The following WBP4 variants were observed in gnomAD, a reference collection of about 807,000 sequenced individuals.
WBP4 encodes WW domain-binding protein 4.
WBP4 carries 37 observed loss-of-function variants against 55.4 expected under a neutral mutation model. That is an observed-to-expected ratio of 0.67 (90% CI 0.51 to 0.88). WBP4 has a LOEUF of 0.88. WBP4 is among the 40% of genes least tolerant of loss of function. The pLI is 0.00. For missense variants in WBP4, 398 were observed against 420.8 expected (o/e 0.95, Z 0.47); for synonymous variants, 142 against 140.2 (o/e 1.01, Z -0.09).
intron 8 of WBP4, among the ~76,000 whole-genome samples, chr13:41,076,859 G>A (rs971144071): frequency 6.6e-6 from 1 of 152,148 alleles, no homozygotes; most frequent in African/African-American, 2.4e-5. Context: ...CTTAGAGTAA[G>A]GGTTATGTGC....
chr13:41,071,086 CTT>C (rs2138470141), intron 5 of WBP4, among the ~76,000 whole-genome samples: 1 of 152,286 alleles, frequency 6.6e-6, no homozygotes. Context: ...GCTTGCCTCT[CTT>C]TTTCAGCATC....
chr13:41,062,289 G>A (rs895621214), intron 1 of WBP4: 1 of 984,814 alleles, frequency 1.0e-6, no homozygotes. Flanking sequence ...CAAACTTTAT[G>A]AGTTTCTTCA....
intron 5 of WBP4, among the ~76,000 whole-genome samples, chr13:41,069,181 C>G (rs1878119004): frequency 6.6e-6 from 1 of 152,170 alleles, no homozygotes; most frequent in South Asian, 2.1e-4. Context: ...GATATTGTTA[C>G]TGAAAAATGA....
At chr13:41,082,638 C>CA in intron 9 of WBP4, 66 bp from the exon 10 acceptor site, 25 of 1,440,308 alleles carry the variant, frequency 1.7e-5, no homozygotes, top group Non-Finnish European at 2.3e-5. Flanking sequence ...GATCTTGGGG[C>CA]ATTGGTTATA....
chr13:41,080,905 C>T, intron 9 of WBP4, 96 bp downstream of exon 9: 1 of 1,356,446 alleles, frequency 7.4e-7, no homozygotes, highest in Non-Finnish European at 1.0e-6. Context: ...GGATGCTGTG[C>T]TTATTAAAAG....
intron 2 of WBP4, among the ~76,000 whole-genome samples, chr13:41,064,613 T>C (rs1007927728): frequency 1.3e-5 from 2 of 152,190 alleles, no homozygotes; most frequent in Non-Finnish European, 2.9e-5. Flanking sequence ...ATGTCCCTCC[T>C]TGTGACAAAT....
chr13:41,063,084 A>G (rs1027404675), intron 2 of WBP4, among the ~76,000 whole-genome samples: 8 of 152,146 alleles, frequency 5.3e-5, no homozygotes, highest in South Asian at 2.1e-4. Flanking sequence ...TTTCTTGTAT[A>G]TTTTGTGGTC....
Position 41,083,181 on chromosome 13 carries a change from CTG to C in WBP4, c.*269_*270del. On this transcript the variant is annotated 3_prime_UTR_variant, in exon 10 of 10. Transcript: ENST00000379487. Reference sequence around the variant, plus strand: ...AGTCATAATTTAAGATGCTATGTATCTGTTATTTAAAACATGGAGAAACAGGG... The same window carrying C: ...AGTCATAATTTAAGATGCTATGTATCTTATTTAAAACATGGAGAAACAGGG... The C allele has an allele frequency of 3.2e-6, 1 of 310,250 alleles. No individual in the cohort carries two copies. The highest frequency in any genetic ancestry group is 6.0e-6 in the Non-Finnish European group (1 of 166,330). 19.2% of individuals were successfully genotyped at this position (310,250 alleles called of 1,614,324 possible). A position where few individuals can be genotyped will look rare whatever the true frequency, so the allele number is the denominator to read the frequency against.
At chr13:41,062,198 C>G in intron 1 of WBP4, 2 of 961,368 alleles carry the variant, frequency 2.1e-6, no homozygotes, top group Non-Finnish European at 2.4e-6. Context: ...TTTGTTTTAA[C>G]TGAGAGTCTG....
In WBP4 at chr13:41,061,680, G is replaced by A. The variant is rs1471897616; in HGVS notation, c.2+5G>A. ...CAGAGCGGCTGGCGCAGTCATGTGA[G>A]TTGGGTCTCAGGCCCTGAACAACGA... On this transcript the variant is annotated splice_donor_5th_base_variant and intron_variant, in intron 1 of 9. Transcript: ENST00000379487. 6.2e-7 allele frequency: 1 copy of A among 1,614,000 alleles called. No individual in the cohort carries two copies. Among genetic ancestry groups the A allele is most frequent in the African/African-American group, 1.3e-5 (1 of 74,944 alleles).
intron 8 of WBP4, among the ~76,000 whole-genome samples, chr13:41,079,858 C>T (rs947931726): frequency 3.3e-5 from 5 of 152,254 alleles, no homozygotes; most frequent in South Asian, 2.1e-4. Flanking sequence ...GGTATATATA[C>T]ACACGCACAC....
At chr13:41,074,223 G>A (rs969156934) in intron 7 of WBP4, among the ~76,000 whole-genome samples, 6 of 152,272 alleles carry the variant, frequency 3.9e-5, no homozygotes, top group South Asian at 4.1e-4. Flanking sequence ...GAGCCACCGC[G>A]CCCGGCCCTA....
rs1878467193 is a variant in WBP4, at chr13:41,076,067, G to T, written c.586G>T (p.Asp196Tyr). 1.2e-6 allele frequency: 2 copies of T among 1,612,952 alleles called. No individual in the cohort carries two copies. Among genetic ancestry groups the T allele is most frequent in the Non-Finnish European group, 1.7e-6 (2 of 1,179,786 alleles). ...TGESRWEKPD[D>Y]FIPHTSDLPS... ...AGAATCCAGATGGGAGAAACCTGAT[G>T]ATTTCATTCCACACACTAGTGATCT... Residue 196 changes from aspartate to tyrosine, a missense_variant, in exon 8 of 10, where the codon GAT becomes TAT. Transcript: ENST00000379487.
chr13:41,071,279 C>G (rs1400841500), intron 5 of WBP4, among the ~76,000 whole-genome samples: 1 of 152,244 alleles, frequency 6.6e-6, no homozygotes, highest in Non-Finnish European at 1.5e-5. Context: ...CTGCCTGGCT[C>G]TAAAATTCCT....
At chr13:41,072,373 G>A (rs1481956915) in intron 6 of WBP4, among the ~76,000 whole-genome samples, 1 of 152,228 alleles carries the variant, frequency 6.6e-6, no homozygotes, top group Non-Finnish European at 1.5e-5. Context: ...GGCTGTACAG[G>A]AAGCATGGTG....
rs573162688 is a variant in WBP4 at position 41,076,564 on chromosome 13, C to T, written c.756+327C>T. ...CCAAAGTGCTGGGATTACAGGCGTG[C>T]GTCACCACGCCCAGCTGACATCAAT... On this transcript the variant is annotated intron_variant, in intron 8 of 9. Coordinates refer to ENST00000379487, the MANE Select transcript of WBP4 (RefSeq NM_007187.5). Among the ~76,000 whole-genome samples, 29 of 152,128 alleles carry T rather than the reference C, an allele frequency of 1.9e-4. 1 individual carries two copies. In the South Asian group the frequency reaches 5.6e-3, roughly 29 times the overall value.
At chr13:41,081,136 G>A (rs1878756297) in intron 9 of WBP4, among the ~76,000 whole-genome samples, 1 of 152,146 alleles carries the variant, frequency 6.6e-6, no homozygotes, top group Admixed American at 6.6e-5. Context: ...GGTGGAGGTT[G>A]CAGTGAGCTG....
At chr13:41,063,466 G>A (rs945896133) in intron 2 of WBP4, among the ~76,000 whole-genome samples, 1 of 133,140 alleles carries the variant, frequency 7.5e-6, no homozygotes, top group Admixed American at 8.4e-5. Context: ...AAGGTGTTTA[G>A]GATTTGGATT....
intron 7 of WBP4, among the ~76,000 whole-genome samples, chr13:41,075,140 T>C (rs1432811036): frequency 2.0e-5 from 3 of 152,132 alleles, no homozygotes; most frequent in Non-Finnish European, 2.9e-5. Flanking sequence ...GAATAATTAC[T>C]AACGGCAGCC....
Sources: gnomAD v4.1 joint callset for allele counts (sites outside exome capture counted in the v4.1 genomes callset) on GRCh38, gnomAD v4.1.1 for gene constraint, MANE v1.5 for transcripts, NCBI Gene and HGNC (gene_info 2026-07-23, HGNC 2026-07-21) for gene names.